ARID4B: variants seen among roughly 807,000 people sequenced by gnomAD.
ARID4B encodes the protein AT-rich interactive domain-containing protein 4B.
ARID4B carries 26 observed loss-of-function variants against 147.5 expected under a neutral mutation model. That is an observed-to-expected ratio of 0.18 (90% CI 0.13 to 0.24). The LOEUF is 0.24. Among genes scored for constraint, ARID4B ranks in the 10% least tolerant of loss-of-function variants. The probability of loss-of-function intolerance (pLI) is 1.00; values close to 1 mark genes in which losing one functional copy is unlikely to be tolerated. For missense variants in ARID4B, 1,179 were observed against 1,511.5 expected (o/e 0.78, Z 3.65); for synonymous variants, 512 against 507.9 (o/e 1.01, Z -0.11).
At chr1:235,235,535 G>C (rs112185170) in intron 8 of ARID4B, among the ~76,000 whole-genome samples, 1 of 152,206 alleles carries the variant, frequency 6.6e-6, no homozygotes, top group African/African-American at 2.4e-5. Flanking sequence ...TTCTGCCACA[G>C]AACGACAATA....
At chr1:235,316,621 C>A (rs1200521197) in intron 2 of ARID4B, among the ~76,000 whole-genome samples, 4 of 152,054 alleles carry the variant, frequency 2.6e-5, no homozygotes, top group African/African-American at 7.2e-5. Flanking sequence ...GTTCGAGAGA[C>A]CAGCCTGGCC....
At chr1:235,229,059 C>A in intron 11 of ARID4B, 172 bp downstream of exon 11, 1 of 750,410 alleles carries the variant, frequency 1.3e-6, no homozygotes, top group Non-Finnish European at 2.0e-6. Flanking sequence ...GATCATATAT[C>A]TAAAGTAACC....
At position 235,172,539 on chromosome 1, in the gene ARID4B, T is replaced by C. The variant is rs547434541; in HGVS notation, c.3811+79A>G. 2.4e-3 allele frequency: 2,438 copies of C among 1,036,708 alleles called. 4 individuals are homozygous for C. The highest frequency in any genetic ancestry group is 3.0e-3 in the Non-Finnish European group (2,270 of 760,310). The allele number at this position is 1,036,708 out of a possible 1,614,324, so 64.2% of individuals were successfully genotyped here. On this transcript the variant is annotated intron_variant, in intron 23 of 23. Transcript: ENST00000264183. ...GTTGCAGTGAGCCGAGATTGCGCCA[T>C]TGCACTCCAGCCTGGCGACAAGAGT...
At chr1:235,223,369 G>GTATATATATATATATATATATACGTA (rs201240296) in intron 12 of ARID4B, 109 bp from the exon 13 acceptor site, 2 of 161,538 alleles carry the variant, frequency 1.2e-5, no homozygotes, top group African/African-American at 7.6e-5. Flanking sequence ...ATATATACAC[G>GTATATATATATATATATATATACGTA]TATATATATA....
rs777939427 is a variant in ARID4B at position 235,326,952 on chromosome 1, A to C, written c.-33T>G. ...CTGGGACCAAGGTATCCTCTAAAAC[A>C]CCAGGTTCAGCTGCACCTGGAGGGG... On this transcript the variant is annotated 5_prime_UTR_variant, in exon 2 of 24. Coordinates refer to ENST00000264183, the MANE Select transcript of ARID4B (RefSeq NM_016374.6). 6.2e-7 allele frequency: 1 copy of C among 1,612,890 alleles called. No individual in the cohort carries two copies. The highest frequency in any genetic ancestry group is 1.3e-5 in the African/African-American group (1 of 74,848).
chr1:235,255,561 G>C, intron 5 of ARID4B, 99 bp downstream of exon 5: 1 of 688,122 alleles, frequency 1.5e-6, no homozygotes, highest in Admixed American at 3.2e-5. Context: ...ATAATATCTA[G>C]GGTATTAAGA....
chr1:235,268,224 A>T (rs1020764203), intron 2 of ARID4B, among the ~76,000 whole-genome samples: 1 of 152,182 alleles, frequency 6.6e-6, no homozygotes, highest in Non-Finnish European at 1.5e-5. Flanking sequence ...AATACACTGA[A>T]TATAGTGGGG....
intron 6 of ARID4B, among the ~76,000 whole-genome samples, chr1:235,247,121 G>A (rs533534154): frequency 6.6e-6 from 1 of 151,836 alleles, no homozygotes; most frequent in South Asian, 2.1e-4. Context: ...GTTTTCTTAA[G>A]ATTTTCCACA....
intron 5 of ARID4B, among the ~76,000 whole-genome samples, chr1:235,254,061 A>T (rs1231967804): frequency 1.3e-5 from 2 of 152,208 alleles, no homozygotes; most frequent in Non-Finnish European, 2.9e-5. Context: ...AAAATATACA[A>T]CATAAGTGTC....
At chr1:235,220,582 A>G in intron 14 of ARID4B, 37 bp from the exon 15 acceptor site, 1 of 1,463,142 alleles carries the variant, frequency 6.8e-7, no homozygotes, top group Non-Finnish European at 9.1e-7. Context: ...TGGTGAAAAC[A>G]TTTCAAAATA....
chr1:235,244,128 G>A (rs945906140), intron 7 of ARID4B, among the ~76,000 whole-genome samples: 2 of 152,082 alleles, frequency 1.3e-5, no homozygotes, highest in Non-Finnish European at 2.9e-5. Flanking sequence ...TATTTAAATA[G>A]CAAGTATAAA....
intron 17 of ARID4B, among the ~76,000 whole-genome samples, chr1:235,209,270 A>T (rs1468578939): frequency 6.6e-6 from 1 of 152,188 alleles, no homozygotes; most frequent in East Asian, 1.9e-4. Flanking sequence ...CAGGCGTTTG[A>T]GACCAGTCTG....
intron 2 of ARID4B, among the ~76,000 whole-genome samples, chr1:235,325,759 G>C (rs1244806919): frequency 6.6e-6 from 1 of 152,124 alleles, no homozygotes; most frequent in Non-Finnish European, 1.5e-5. Context: ...GTTTCAGGTA[G>C]TTTACAGCAT....
rs752094055 is a variant in ARID4B at position 235,175,230 on chromosome 1, T to C, written c.3618A>G (p.Glu1206=). Residue 1206 remains glutamate, a synonymous_variant, in exon 22 of 24, where the codon GAA becomes GAG. Coordinates refer to ENST00000264183, the MANE Select transcript of ARID4B (RefSeq NM_016374.6). ...KNGDKDPDLK[E]PSNRLPKVYK... is the part of the protein sequence containing the mutation. ...AAACTTTGGGTAATCGATTACTGGGTTCCTTGAGATCAGGATCCTTATCAC... is the reference window on the plus strand; with the variant it reads ...AAACTTTGGGTAATCGATTACTGGGCTCCTTGAGATCAGGATCCTTATCAC... 3 of 1,614,202 alleles carry C rather than the reference T, an allele frequency of 1.9e-6. No individual in the cohort carries two copies. The highest frequency in any genetic ancestry group is 2.5e-6 in the Non-Finnish European group (3 of 1,180,036).
intron 23 of ARID4B, among the ~76,000 whole-genome samples, chr1:235,171,157 C>A (rs754529111): frequency 5.9e-5 from 9 of 151,988 alleles, no homozygotes; most frequent in Non-Finnish European, 1.3e-4. Context: ...TTGGGCCAGT[C>A]GCAGTGGCTC....
At chr1:235,217,858 T>G (rs1173948835) in intron 16 of ARID4B, among the ~76,000 whole-genome samples, 1 of 152,160 alleles carries the variant, frequency 6.6e-6, no homozygotes, top group African/African-American at 2.4e-5. Context: ...CCCTCTTATC[T>G]GCAAGGGATA....
At chr1:235,271,741 G>A (rs1671000113) in intron 2 of ARID4B, among the ~76,000 whole-genome samples, 1 of 152,012 alleles carries the variant, frequency 6.6e-6, no homozygotes, top group Non-Finnish European at 1.5e-5. Flanking sequence ...CTGAGGTAAG[G>A]AGTTTGAGAC....
In ARID4B at chr1:235,221,575, C is replaced by T; in HGVS notation, c.1153G>A (p.Ala385Thr). Reference sequence around the variant, plus strand: ...ATTATACTAACTTACTTTTTATAAGCACATTTAACATTGTATCCTGCAGCT... The same window carrying T: ...ATTATACTAACTTACTTTTTATAAGTACATTTAACATTGTATCCTGCAGCT... The part of the protein sequence containing the change: ...NSAAGYNVKC[A>T]YKKYLYGFEE... The change falls in exon 14 of 24, where the codon GCT becomes ACT. Residue 385 changes from alanine (A) to threonine (T), a missense_variant. By Grantham distance (58) the Ala-to-Thr change is moderately conservative. Transcript: ENST00000264183. The T allele has an allele frequency of 6.3e-7, 1 of 1,587,072 alleles. No homozygotes were observed. Among genetic ancestry groups the T allele is most frequent in the Non-Finnish European group, 8.6e-7 (1 of 1,162,350 alleles).
intron 6 of ARID4B, among the ~76,000 whole-genome samples, chr1:235,250,192 A>C (rs1051914160): frequency 2.6e-5 from 4 of 152,080 alleles, no homozygotes; most frequent in Non-Finnish European, 5.9e-5. Flanking sequence ...GAAAATCCTG[A>C]ATTTCAGTGT....
Sources: allele counts gnomAD v4.1 joint callset (sites outside exome capture counted in the v4.1 genomes callset), GRCh38; gene constraint gnomAD v4.1.1; transcripts MANE v1.5; gene names NCBI Gene and HGNC (gene_info 2026-07-23, HGNC 2026-07-21).